The following ZNF385D variants were observed in gnomAD, a reference collection of about 807,000 sequenced individuals.
The protein encoded by ZNF385D is zinc finger protein 659.
A neutral mutation model predicts 35.8 loss-of-function variants in ZNF385D; 15 were observed. The observed-to-expected ratio is 0.42, with a 90% CI of 0.28 to 0.64. The LOEUF (loss-of-function observed/expected upper bound fraction) is 0.64. ZNF385D is among the 30% of genes least tolerant of loss of function. The pLI is 0.23. For synonymous variants in ZNF385D, 212 were observed against 186.8 expected (o/e 1.13, Z -1.10); for missense variants, 474 against 494.6 (o/e 0.96, Z 0.39).
chr3:21,621,865 C>CTGTGTG (rs10580512), intron 2 of ZNF385D, among the ~76,000 whole-genome samples: 1,476 of 146,216 alleles, frequency 0.01, 20 homozygotes, highest in African/African-American at 0.034. Context: ...CCTGTTACCA[C>CTGTGTG]TGTGTGTGTG....
intron 2 of ZNF385D, among the ~76,000 whole-genome samples, chr3:22,347,613 C>T (rs1209558900): frequency 6.6e-6 from 1 of 152,150 alleles, no homozygotes; most frequent in African/African-American, 2.4e-5. Context: ...AATAGATTCT[C>T]CAGCTTGGTA....
intron 3 of ZNF385D, among the ~76,000 whole-genome samples, chr3:22,158,117 G>T (rs1178591561): frequency 6.6e-6 from 1 of 152,032 alleles, no homozygotes; most frequent in African/African-American, 2.4e-5. Context: ...TCCTATCCTT[G>T]ATCTCATCAG....
Position 21,417,768 on chromosome 3 carries a change from A to G in ZNF385D, c.*3446T>C, listed in dbSNP as rs1166163417. 2.6e-5 allele frequency: 4 copies of G among 152,128 alleles called. No homozygotes were observed. The highest frequency in any genetic ancestry group is 9.6e-5 in the African/African-American group (4 of 41,510). The allele number at this position is 152,128 out of a possible 1,614,324, so 9.4% of individuals were successfully genotyped here. A position where few individuals can be genotyped will look rare whatever the true frequency, so the allele number is the denominator to read the frequency against. ...TTTTAATTTTCAAGTACATATAAAT[A>G]CTCCTTTGCTAACTAGTTTCTTGGC... On this transcript the variant is annotated 3_prime_UTR_variant, in exon 8 of 8. Coordinates refer to ENST00000281523, the MANE Select transcript of ZNF385D (RefSeq NM_024697.3).
At chr3:22,327,896 G>A (rs1298768641) in intron 2 of ZNF385D, among the ~76,000 whole-genome samples, 1 of 152,168 alleles carries the variant, frequency 6.6e-6, no homozygotes, top group African/African-American at 2.4e-5. Flanking sequence ...CACTTGAGGT[G>A]TAACATAACA....
At chr3:21,949,942 T>C (rs1701985010) in intron 3 of ZNF385D, among the ~76,000 whole-genome samples, 1 of 152,188 alleles carries the variant, frequency 6.6e-6, no homozygotes, top group Admixed American at 6.5e-5. Flanking sequence ...ACATTTTCTT[T>C]ATCTAGTTTA....
intron 2 of ZNF385D, among the ~76,000 whole-genome samples, chr3:22,295,534 T>A (rs1702526706): frequency 6.6e-6 from 1 of 152,056 alleles, no homozygotes; most frequent in Non-Finnish European, 1.5e-5. Context: ...AATCAGAAAG[T>A]CACAATGGGA....
intron 1 of ZNF385D, among the ~76,000 whole-genome samples, chr3:21,708,262 T>C (rs1413068522): frequency 2.0e-5 from 3 of 152,212 alleles, no homozygotes; most frequent in Non-Finnish European, 2.9e-5. Context: ...AAGAACTTAT[T>C]ATGTTCTAGG....
chr3:21,790,006 A>G (rs1004010371), intron 3 of ZNF385D, among the ~76,000 whole-genome samples: 2 of 152,200 alleles, frequency 1.3e-5, no homozygotes, highest in Non-Finnish European at 2.9e-5. Flanking sequence ...CCTCAGATAG[A>G]TGTACATGAA....
At position 21,972,202 on chromosome 3, in the gene ZNF385D, G is replaced by A. The variant is rs79053869; in HGVS notation, c.325+196615C>T. ...TTCTCAAGGATAGACCATATAATAG[G>A]ACAAAAAGTCTTAAAAATTTCAAAA... On this transcript the variant is annotated intron_variant, in intron 3 of 5. Coordinates refer to the ZNF385D transcript ENST00000494108. Among the ~76,000 whole-genome samples, 130 of 151,990 alleles carry A rather than the reference G, an allele frequency of 8.6e-4. 1 individual carries two copies. In the East Asian group the frequency reaches 0.024, roughly 28 times the overall value.
intron 3 of ZNF385D, among the ~76,000 whole-genome samples, chr3:22,096,467 T>G (rs1701639449): frequency 6.6e-6 from 1 of 152,022 alleles, no homozygotes; most frequent in Admixed American, 6.6e-5. Flanking sequence ...AAAATTTGAT[T>G]TAAAAATATA....
chr3:22,368,739 C>T (rs1380039843), intron 2 of ZNF385D, among the ~76,000 whole-genome samples: 1 of 152,144 alleles, frequency 6.6e-6, no homozygotes, highest in Non-Finnish European at 1.5e-5. Context: ...CCTCATCTAA[C>T]CCGAATCATT....
At chr3:21,717,114 G>GACAATA (rs2068354352) in intron 1 of ZNF385D, among the ~76,000 whole-genome samples, 1 of 152,006 alleles carries the variant, frequency 6.6e-6, no homozygotes, top group Non-Finnish European at 1.5e-5. Flanking sequence ...ACCTGGCAAC[G>GACAATA]ACAATAACAA....
chr3:22,253,684 C>T (rs1354977104), intron 2 of ZNF385D, among the ~76,000 whole-genome samples: 3 of 151,942 alleles, frequency 2.0e-5, no homozygotes, highest in African/African-American at 7.2e-5. Context: ...GGGATTTTGT[C>T]AGTGACTTAG....
intron 3 of ZNF385D, among the ~76,000 whole-genome samples, chr3:21,896,169 T>A (rs1048081062): frequency 1.2e-4 from 18 of 152,108 alleles, no homozygotes; most frequent in African/African-American, 4.1e-4. Context: ...CTGGCAAGAA[T>A]GTTAATGGAA....
Position 21,517,707 on chromosome 3 carries a change from G to C in ZNF385D, c.277-6684C>G, listed in dbSNP as rs570521169. On this transcript the variant is annotated intron_variant, in intron 3 of 7. Coordinates refer to ENST00000281523, the MANE Select transcript of ZNF385D (RefSeq NM_024697.3). ...CTGACTAGTTAAGTCACATGCACAGGTGCAGCCATATGGGTGAAGATCAGT... is the reference window on the plus strand; with the variant it reads ...CTGACTAGTTAAGTCACATGCACAGCTGCAGCCATATGGGTGAAGATCAGT... Among the ~76,000 whole-genome samples the C allele has an allele frequency of 3.3e-5, 5 of 152,274 alleles. No individual in the cohort carries two copies. In the South Asian group the frequency reaches 6.2e-4, roughly 19 times the overall value.
chr3:21,477,445 C>G (rs1704327073), intron 4 of ZNF385D, among the ~76,000 whole-genome samples: 1 of 151,844 alleles, frequency 6.6e-6, no homozygotes, highest in Non-Finnish European at 1.5e-5. Flanking sequence ...TAGTAATAAA[C>G]ATCAAAAACA....
chr3:21,453,899 T>C (rs1702618931), intron 4 of ZNF385D, among the ~76,000 whole-genome samples: 3 of 152,072 alleles, frequency 2.0e-5, no homozygotes, highest in Admixed American at 1.3e-4. Flanking sequence ...AACATAAACT[T>C]ATACATGTAT....
chr3:21,751,380 A>AT, upstream of ZNF385D: 1 of 1,022,922 alleles, frequency 9.8e-7, no homozygotes, highest in Non-Finnish European at 1.2e-6. Context: ...GGCTCTCTTA[A>AT]AGCGAGAAGA....
chr3:22,029,330 G>C lies in ZNF385D; in HGVS notation c.325+139487C>G, dbSNP rs765649599. ...AGGAGATCCATTAGGGCTTCTCATA[G>C]TATGACCATGCCCTGTGATTAAGGT... On this transcript the variant is annotated intron_variant, in intron 3 of 5. Coordinates refer to the ZNF385D transcript ENST00000494108. Among the ~76,000 whole-genome samples the C allele has an allele frequency of 4.5e-4, 69 of 152,310 alleles. 1 individual carries two copies. Among genetic ancestry groups the C allele is most frequent in the South Asian group, 1.9e-3 (9 of 4,832 alleles).
Sources: allele counts gnomAD v4.1 joint callset (sites outside exome capture counted in the v4.1 genomes callset), GRCh38; gene constraint gnomAD v4.1.1; transcripts MANE v1.5; gene names NCBI Gene and HGNC (gene_info 2026-07-23, HGNC 2026-07-21).